SENP6: variants seen among roughly 807,000 people sequenced by gnomAD.
SENP6 encodes the protein SUMO specific peptidase 6, also known as sentrin-specific protease 6.
In SENP6, 41 loss-of-function variants were observed where a neutral mutation model predicts 134.5. The ratio of observed to expected loss-of-function variants is 0.30; its 90% confidence interval spans 0.24 to 0.40. The LOEUF is 0.40. Ranked by LOEUF, SENP6 falls within the 10% of genes least tolerant of loss-of-function variation. The pLI, the probability that SENP6 is intolerant of heterozygous loss-of-function variation, is 1.00. For synonymous variants in SENP6, 395 were observed against 429.8 expected, an observed-to-expected ratio of 0.92 and a Z score of 1.00; for missense variants, 1,248 against 1,312.5, an observed-to-expected ratio of 0.95 and a Z score of 0.76.
chr6:75,628,837 A>T (rs1768897032), intron 3 of SENP6, among the ~76,000 whole-genome samples: 1 of 152,054 alleles, frequency 6.6e-6, no homozygotes, highest in Non-Finnish European at 1.5e-5. Context: ...CTACCGCCTC[A>T]GCCTCCCAAG....
chr6:75,665,179 G>A (rs1470658429), intron 9 of SENP6, among the ~76,000 whole-genome samples: 5 of 152,204 alleles, frequency 3.3e-5, no homozygotes, highest in East Asian at 3.9e-4. Context: ...CCAGCTACTC[G>A]GGAGGCTGAG....
chr6:75,627,833 C>T (rs370910395), intron 3 of SENP6, among the ~76,000 whole-genome samples: 9 of 152,154 alleles, frequency 5.9e-5, no homozygotes, highest in East Asian at 3.9e-4. Context: ...GGTGCCACCA[C>T]GCCCGGCTAA....
Position 75,633,685 on chromosome 6 carries a change from C to G in SENP6, c.312C>G (p.Asn104Lys). 1 of 1,611,632 alleles carries G rather than the reference C, an allele frequency of 6.2e-7. No homozygotes were observed. Among genetic ancestry groups the G allele is most frequent in the Non-Finnish European group, 8.5e-7 (1 of 1,179,042 alleles). ...AAAGTTTTAAAACTTTGAAAGGCAA[C>G]CCAATTGGACTTAACATGTTGAGCA... ...KSESFKTLKG[N>K]PIGLNMLSNN... The change falls in exon 4 of 24, where the codon AAC (asparagine) becomes AAG (lysine). Residue 104 changes from asparagine (N) to lysine (K), a missense_variant. Asn to Lys is a moderately conservative substitution (Grantham distance 94). Around this residue, in one of 3 missense-constraint regions of SENP6, gnomAD observed 733 missense variants for 725.4 expected, o/e 1.01. Transcript: ENST00000447266.
At chr6:75,715,327 A>G (rs1775969461) in intron 23 of SENP6, 58 bp from the exon 24 acceptor site, 1 of 1,260,332 alleles carries the variant, frequency 7.9e-7, no homozygotes. Context: ...TGTTTCTGTG[A>G]TTGAAATGAA....
intron 7 of SENP6, 74 bp downstream of exon 7, chr6:75,647,875 C>G (rs994059709): frequency 5.1e-6 from 6 of 1,172,532 alleles, no homozygotes; most frequent in Non-Finnish European, 7.5e-6. Flanking sequence ...AGATACGATG[C>G]TGGCTTTAGA....
intron 18 of SENP6, chr6:75,697,796 T>A: frequency 3.5e-6 from 1 of 283,560 alleles, no homozygotes; most frequent in Non-Finnish European, 6.5e-6. Flanking sequence ...GTGCTTATTG[T>A]CTAGCAAGTA....
intron 8 of SENP6, among the ~76,000 whole-genome samples, chr6:75,662,439 T>G (rs1364821453): frequency 1.3e-5 from 2 of 152,108 alleles, no homozygotes; most frequent in Non-Finnish European, 2.9e-5. Context: ...CCAGGTTTAG[T>G]CAGTTTTTGT....
rs1772592101 is a variant in SENP6 at position 75,670,577 on chromosome 6, C to T, written c.1249C>T (p.Pro417Ser). The T allele has an allele frequency of 1.9e-6, 3 of 1,611,012 alleles. No homozygotes were observed. Among genetic ancestry groups the T allele is most frequent in the African/African-American group, 1.3e-5 (1 of 74,852 alleles). ...DQFGNSIINTPLKRRKVFSQE... is the reference protein window; with the variant it reads ...DQFGNSIINTSLKRRKVFSQE... ...GTTTGGCAATTCTATTATCAACACA[C>T]CTCTGAAACGTCGTAAAGTGTTTTC... The change falls in exon 11 of 24, where the codon CCT (proline) becomes TCT (serine). Residue 417 changes from proline (P) to serine (S), a missense_variant. This residue lies in a region of SENP6 where 733 missense variants were observed against 725.4 expected (regional missense o/e 1.01). Coordinates refer to ENST00000447266, the MANE Select transcript of SENP6 (RefSeq NM_015571.4).
chr6:75,710,675 AG>A (rs1775697430), intron 20 of SENP6, among the ~76,000 whole-genome samples: 1 of 152,220 alleles, frequency 6.6e-6, no homozygotes, highest in African/African-American at 2.4e-5. Flanking sequence ...GATGTGAACA[AG>A]CTAATGTAAC....
intron 7 of SENP6, among the ~76,000 whole-genome samples, chr6:75,650,372 T>C (rs555658337): frequency 6.6e-6 from 1 of 152,336 alleles, no homozygotes; most frequent in Non-Finnish European, 1.5e-5. Flanking sequence ...AGATATACTC[T>C]GAAACTGTGC....
At chr6:75,659,935 CAA>C (rs762752599) in intron 8 of SENP6, among the ~76,000 whole-genome samples, 7 of 152,174 alleles carry the variant, frequency 4.6e-5, no homozygotes, top group Non-Finnish European at 1.0e-4. Context: ...GTCAAAATCT[CAA>C]AGTTAACATT....
At chr6:75,677,454 G>T in intron 14 of SENP6, 198 bp downstream of exon 14, 1 of 446,986 alleles carries the variant, frequency 2.2e-6, no homozygotes. Context: ...CTTGATACAG[G>T]TCTCAGAAGC....
chr6:75,655,903 A>G (rs893078082), intron 7 of SENP6, among the ~76,000 whole-genome samples: 3 of 152,106 alleles, frequency 2.0e-5, no homozygotes, highest in Non-Finnish European at 4.4e-5. Flanking sequence ...CATACCTGGA[A>G]ATAGTGTAGT....
chr6:75,675,129 A>G (rs946722882), intron 11 of SENP6, among the ~76,000 whole-genome samples: 2 of 152,120 alleles, frequency 1.3e-5, no homozygotes, highest in Non-Finnish European at 2.9e-5. Flanking sequence ...CCCCCATGAC[A>G]TGCAATTTAC....
At chr6:75,625,306 G>T (rs2149832178) in intron 3 of SENP6, among the ~76,000 whole-genome samples, 1 of 151,450 alleles carries the variant, frequency 6.6e-6, no homozygotes, top group African/African-American at 2.4e-5. Flanking sequence ...TTAGAGACCG[G>T]GTTTCACCAT....
intron 8 of SENP6, among the ~76,000 whole-genome samples, chr6:75,660,032 G>T (rs894911324): frequency 6.6e-6 from 1 of 152,116 alleles, no homozygotes; most frequent in Non-Finnish European, 1.5e-5. Context: ...TGAATTCAGG[G>T]TCATGTGCTG....
intron 5 of SENP6, among the ~76,000 whole-genome samples, chr6:75,638,242 GTT>G (rs59853416): frequency 0.21 from 29,786 of 142,206 alleles, 3,819 homozygotes; most frequent in African/African-American, 0.37. Flanking sequence ...CTTTTCTTTT[GTT>G]TTTTTTTTTT....
intron 5 of SENP6, among the ~76,000 whole-genome samples, chr6:75,640,196 G>A (rs1357974265): frequency 1.3e-5 from 2 of 152,196 alleles, no homozygotes; most frequent in South Asian, 2.1e-4. Flanking sequence ...ACCAGGTGTA[G>A]TATACAGAGC....
chr6:75,643,413 G>A (rs1770182013), intron 6 of SENP6, among the ~76,000 whole-genome samples: 1 of 152,186 alleles, frequency 6.6e-6, no homozygotes, highest in African/African-American at 2.4e-5. Flanking sequence ...CAAGGGAGAT[G>A]GAGTTAAGGA....
Sources: gnomAD v4.1 joint callset for allele counts (sites outside exome capture counted in the v4.1 genomes callset) on GRCh38, gnomAD v4.1.1 for gene constraint, gnomAD v4.1.1 regional missense constraint, MANE v1.5 for transcripts, NCBI Gene and HGNC (gene_info 2026-07-23, HGNC 2026-07-21) for gene names.